The following IMMP2L variants were observed in gnomAD, a reference collection of about 807,000 sequenced individuals.
IMMP2L encodes inner mitochondrial membrane peptidase subunit 2, also known as mitochondrial inner membrane protease subunit 2.
In IMMP2L, 18 loss-of-function variants were observed where a neutral mutation model predicts 19.3. The ratio of observed to expected loss-of-function variants is 0.93; its 90% CI spans 0.64 to 1.38. The LOEUF (loss-of-function observed/expected upper bound fraction) is 1.38. Ranked by LOEUF, IMMP2L falls within the 40% of genes most tolerant of loss-of-function variation. IMMP2L has a pLI of 0.00. For missense variants in IMMP2L, 233 were observed against 218.2 expected (o/e 1.07, Z -0.43); for synonymous variants, 76 against 73.0 (o/e 1.04, Z -0.21).
chr7:111,523,650 T>G (rs1846564910), intron 1 of IMMP2L, among the ~76,000 whole-genome samples: 1 of 152,116 alleles, frequency 6.6e-6, no homozygotes, highest in African/African-American at 2.4e-5. Flanking sequence ...TTTTTATACC[T>G]AATCAAAATA....
intron 2 of IMMP2L, among the ~76,000 whole-genome samples, chr7:111,506,562 T>C (rs975338541): frequency 1.3e-5 from 2 of 152,042 alleles, no homozygotes; most frequent in Admixed American, 6.5e-5. Flanking sequence ...CACACCAGGC[T>C]AGTTTTTGTA....
intron 5 of IMMP2L, among the ~76,000 whole-genome samples, chr7:110,830,616 A>G (rs538619187): frequency 6.6e-6 from 1 of 152,258 alleles, no homozygotes; most frequent in South Asian, 2.1e-4. Flanking sequence ...TTAAAAATGC[A>G]CTCAGTGATG....
At chr7:110,699,763 C>CA (rs55970868) in intron 5 of IMMP2L, among the ~76,000 whole-genome samples, 47,224 of 137,758 alleles carry the variant, frequency 0.34, 9,563 homozygotes, top group East Asian at 0.68. Context: ...GACTCTACCT[C>CA]AAAAAAAAAA....
At chr7:110,808,741 A>G (rs751416158) in intron 5 of IMMP2L, among the ~76,000 whole-genome samples, 2 of 152,136 alleles carry the variant, frequency 1.3e-5, no homozygotes, top group African/African-American at 4.8e-5. Flanking sequence ...GGAAGCATTC[A>G]GAATCTCTGG....
intron 3 of IMMP2L, among the ~76,000 whole-genome samples, chr7:111,446,768 G>A (rs1322833404): frequency 1.3e-5 from 2 of 152,200 alleles, no homozygotes; most frequent in Non-Finnish European, 2.9e-5. Flanking sequence ...TGAGCTACGG[G>A]AGGACATTCA....
At chr7:111,389,468 T>G (rs762222673) in intron 3 of IMMP2L, among the ~76,000 whole-genome samples, 1 of 152,026 alleles carries the variant, frequency 6.6e-6, no homozygotes, top group Non-Finnish European at 1.5e-5. Flanking sequence ...TGTCCTTATT[T>G]TTAGAAAATA....
chr7:111,530,955 T>C (rs554633079), intron 1 of IMMP2L, among the ~76,000 whole-genome samples: 237 of 151,722 alleles, frequency 1.6e-3, no homozygotes, highest in Non-Finnish European at 3.0e-3. Context: ...AGACTGAATA[T>C]TAATTTTTTT....
At chr7:111,434,698 C>T (rs868471420) in intron 3 of IMMP2L, among the ~76,000 whole-genome samples, 4 of 151,638 alleles carry the variant, frequency 2.6e-5, no homozygotes, top group East Asian at 1.9e-4. Flanking sequence ...GGATTACAGG[C>T]GCCTTCCACC....
rs552722934 is a variant in IMMP2L, at chr7:110,946,677, C to T, written c.305+16823G>A. On this transcript the variant is annotated intron_variant, in intron 4 of 5. Coordinates refer to ENST00000405709, the MANE Select transcript of IMMP2L (RefSeq NM_032549.4). Reference sequence around the variant, plus strand: ...AGATATATTTGATCTAAATATGACACGACATTAACATATTAAAACTGTTAA... The same window carrying T: ...AGATATATTTGATCTAAATATGACATGACATTAACATATTAAAACTGTTAA... 1.5e-4 allele frequency among the ~76,000 whole-genome samples: 23 copies of T among 150,210 alleles called. No individual in the cohort carries two copies. In the South Asian group the frequency reaches 3.2e-3, roughly 21 times the overall value.
chr7:110,760,945 T>G lies in IMMP2L; in HGVS notation c.409-97224A>C, dbSNP rs1234134676. Among the ~76,000 whole-genome samples the G allele has an allele frequency of 6.6e-6, 1 of 151,996 alleles. No individual in the cohort carries two copies. The highest frequency in any genetic ancestry group is 2.4e-5 in the African/African-American group (1 of 41,412). ...TAAGTGACATAAGTGGGTTGGAGAA[T>G]AGAGAAAGCAAACATTGCAATGCAG... On this transcript the variant is annotated intron_variant, in intron 5 of 5. Coordinates refer to ENST00000405709, the MANE Select transcript of IMMP2L (RefSeq NM_032549.4). The surrounding 1 kb of genome is among the most constrained non-coding windows in gnomAD (Gnocchi z 4.2).
intron 3 of IMMP2L, among the ~76,000 whole-genome samples, chr7:111,415,865 A>C (rs1026113291): frequency 6.6e-6 from 1 of 151,748 alleles, no homozygotes; most frequent in Non-Finnish European, 1.5e-5. Context: ...TTTAATTTTT[A>C]AACATATACA....
intron 5 of IMMP2L, among the ~76,000 whole-genome samples, chr7:110,701,672 G>T (rs1794299833): frequency 6.6e-6 from 1 of 152,106 alleles, no homozygotes; most frequent in Non-Finnish European, 1.5e-5. Flanking sequence ...TGATCCGCCT[G>T]CCTTGGCCTC....
chr7:111,296,001 A>G (rs1264110724), intron 3 of IMMP2L, among the ~76,000 whole-genome samples: 1 of 140,368 alleles, frequency 7.1e-6, no homozygotes, highest in Non-Finnish European at 1.5e-5. Context: ...AAAAAAAAAA[A>G]GCACTAAAAA....
chr7:110,985,426 T>A (rs1171599155), intron 3 of IMMP2L, among the ~76,000 whole-genome samples: 1 of 152,156 alleles, frequency 6.6e-6, no homozygotes, highest in Non-Finnish European at 1.5e-5. Flanking sequence ...GGATTATTGC[T>A]ATGAAATTTA....
At chr7:110,738,967 T>A (rs963630213) in intron 5 of IMMP2L, among the ~76,000 whole-genome samples, 1 of 152,190 alleles carries the variant, frequency 6.6e-6, no homozygotes, top group African/African-American at 2.4e-5. Flanking sequence ...GAAACTAAGC[T>A]TCATAAATGA....
intron 3 of IMMP2L, among the ~76,000 whole-genome samples, chr7:111,061,691 G>C (rs1009077209): frequency 2.6e-5 from 4 of 152,026 alleles, no homozygotes; most frequent in African/African-American, 9.7e-5. Context: ...AGGTCTTTTG[G>C]GCTCCACTTT....
chr7:110,839,366 T>G (rs1230874466), intron 5 of IMMP2L, among the ~76,000 whole-genome samples: 1 of 152,138 alleles, frequency 6.6e-6, no homozygotes, highest in Non-Finnish European at 1.5e-5. Flanking sequence ...CAGGCTGTGC[T>G]AAAAGGCTAA....
chr7:111,104,853 G>A (rs974943623), intron 3 of IMMP2L, among the ~76,000 whole-genome samples: 1 of 151,724 alleles, frequency 6.6e-6, no homozygotes, highest in Non-Finnish European at 1.5e-5. Context: ...AGAGGGTCAT[G>A]GCTTCTAGAA....
intron 3 of IMMP2L, among the ~76,000 whole-genome samples, chr7:111,082,459 T>G (rs1795964029): frequency 6.6e-6 from 1 of 152,234 alleles, no homozygotes; most frequent in African/African-American, 2.4e-5. Context: ...TTTCAAGCAT[T>G]TTTTGTTCTC....
Sources: gnomAD v4.1 joint callset for allele counts (sites outside exome capture counted in the v4.1 genomes callset) on GRCh38, gnomAD v4.1.1 for gene constraint, Gnocchi (gnomAD v3.1) non-coding constraint, MANE v1.5 for transcripts, NCBI Gene and HGNC (gene_info 2026-07-23, HGNC 2026-07-21) for gene names.